The following BAZ2B variants were observed in gnomAD, a reference collection of about 807,000 sequenced individuals.
BAZ2B encodes bromodomain adjacent to zinc finger domain 2B, also known as bromodomain adjacent to zinc finger domain protein 2B.
A neutral mutation model predicts 246.0 loss-of-function variants in BAZ2B; 91 were observed. The observed-to-expected ratio is 0.37, with a 90% CI of 0.31 to 0.44. The LOEUF (loss-of-function observed/expected upper bound fraction) is 0.44, where lower values mean the gene tolerates loss of function less well. BAZ2B is among the 20% of genes least tolerant of loss of function. BAZ2B has a pLI of 1.00. For synonymous variants in BAZ2B, 855 were observed against 860.0 expected (o/e 0.99, Z 0.10); for missense variants, 2,332 against 2,533.7 (o/e 0.92, Z 1.71).
chr2:159,439,006 T>C lies in BAZ2B; in HGVS notation c.900+3A>G. ...TGGATACTGTCCATGAAAAAAATTA[T>C]ACCTGGTTGTTACTTTTATGTTGTG... On this transcript the variant is annotated splice_donor_region_variant and intron_variant, in intron 7 of 36. Transcript: ENST00000392783. 6.2e-7 allele frequency: 1 copy of C among 1,612,318 alleles called. No individual in the cohort carries two copies.
chr2:159,620,142 T>C (rs1696371522), upstream of BAZ2B, among the ~76,000 whole-genome samples: 1 of 152,226 alleles, frequency 6.6e-6, no homozygotes, highest in Admixed American at 6.5e-5. Context: ...GTTGGATGGC[T>C]ATCTAACTTA....
chr2:159,619,949 T>C (rs1186340023), upstream of BAZ2B, among the ~76,000 whole-genome samples: 3 of 152,220 alleles, frequency 2.0e-5, no homozygotes, highest in Non-Finnish European at 4.4e-5. Context: ...ATAATTGTGA[T>C]AGAATTTAAT....
chr2:159,382,773 C>T lies in BAZ2B; in HGVS notation c.3791G>A (p.Gly1264Asp), dbSNP rs1260099907. The T allele has an allele frequency of 3.1e-6, 5 of 1,613,532 alleles. No individual in the cohort carries two copies. The highest frequency in any genetic ancestry group is 4.2e-6 in the Non-Finnish European group (5 of 1,179,744). The change falls in exon 25 of 37, where the codon GGC becomes GAC. Residue 1264 changes from glycine (G) to aspartate (D), a missense_variant. This residue lies in a region of BAZ2B where 328 missense variants were observed against 410.4 expected (regional missense o/e 0.80). Transcript: ENST00000392783. The part of the protein sequence containing the change: ...KLRIIHAKKT[G>D]KRDTSGGIDL... ...AATGCCACCTGAAGTGTCTCTTTTG[C>T]CTGTTTTCTTAGCATGAATGATTCT...
intron 1 of BAZ2B, among the ~76,000 whole-genome samples, chr2:159,575,088 C>A (rs968859649): frequency 2.6e-5 from 4 of 152,106 alleles, no homozygotes; most frequent in African/African-American, 9.7e-5. Flanking sequence ...TCACAAAAAA[C>A]CATATATTGT....
the BAZ2B span, among the ~76,000 whole-genome samples, chr2:159,650,199 C>CTT: frequency 2.9e-5 from 4 of 136,244 alleles, no homozygotes; most frequent in Admixed American, 1.5e-4. Flanking sequence ...CAATTTTAGT[C>CTT]TTTTTTTTTT....
rs2075370770 is a variant in BAZ2B at position 159,453,715 on chromosome 2, C to T, written c.232G>A (p.Gly78Ser). ...TGCCCTGAGCTGGCTGAATGTAGACCAAAGACTGGGTGGCTGACCATTGGG... is the reference window on the plus strand; with the variant it reads ...TGCCCTGAGCTGGCTGAATGTAGACTAAAGACTGGGTGGCTGACCATTGGG... The part of the protein sequence containing the change: ...AFPMVSHPVF[G>S]LHSASSGHSE... Residue 78 changes from glycine to serine, a missense_variant, in exon 4 of 37, where the codon GGT (glycine) becomes AGT (serine). By Grantham distance (56) the Gly-to-Ser change is moderately conservative. This residue lies in a region of BAZ2B where 242 missense variants were observed against 237.4 expected (regional missense o/e 1.02). Transcript: ENST00000392783. The T allele has an allele frequency of 2.5e-6, 4 of 1,613,568 alleles. No homozygotes were observed. In the African/African-American group the frequency reaches 5.3e-5, roughly 22 times the overall value.
chr2:159,548,919 A>G (rs2087738518), intron 2 of BAZ2B, among the ~76,000 whole-genome samples: 1 of 152,230 alleles, frequency 6.6e-6, no homozygotes. Context: ...CAAAGTTTTT[A>G]GTTTATAAAT....
the BAZ2B span, among the ~76,000 whole-genome samples, chr2:159,696,431 C>T: frequency 0.042 from 6,364 of 152,096 alleles, 428 homozygotes; most frequent in African/African-American, 0.14. Context: ...GGCATTTATC[C>T]CTTCCTTTTT....
At position 159,480,080 on chromosome 2, in the gene BAZ2B, G is replaced by C. The variant is rs1031716955; in HGVS notation, c.-2-1359C>G. Among the ~76,000 whole-genome samples the C allele has an allele frequency of 9.2e-5, 14 of 152,080 alleles. 1 individual carries two copies. Among genetic ancestry groups the C allele is most frequent in the Admixed American group, 7.9e-4 (12 of 15,274 alleles). Reference sequence around the variant, plus strand: ...CTAATGAACTCTGAGACATGTGGCTGTCTGATGGTAAGGCCCATAAAAATT... The same window carrying C: ...CTAATGAACTCTGAGACATGTGGCTCTCTGATGGTAAGGCCCATAAAAATT... On this transcript the variant is annotated intron_variant, in intron 2 of 36. Transcript: ENST00000392783.
At chr2:159,495,811 C>T (rs746150386) in intron 2 of BAZ2B, among the ~76,000 whole-genome samples, 8 of 150,358 alleles carry the variant, frequency 5.3e-5, no homozygotes, top group Admixed American at 1.3e-4. Flanking sequence ...GCTCTGTTGC[C>T]CAGGCTGCAG....
chr2:159,380,059 C>T (rs2149481793), intron 25 of BAZ2B, among the ~76,000 whole-genome samples: 1 of 152,206 alleles, frequency 6.6e-6, no homozygotes, highest in South Asian at 2.1e-4. Context: ...TCCCTTTGAC[C>T]TACTCTTCAA....
chr2:159,711,301 T>A, the BAZ2B span, among the ~76,000 whole-genome samples: 7 of 152,354 alleles, frequency 4.6e-5, no homozygotes, highest in African/African-American at 1.7e-4. Context: ...TTATTTTCAT[T>A]TCATATCCTA....
At chr2:159,667,992 A>G in the BAZ2B span, among the ~76,000 whole-genome samples, 1 of 152,174 alleles carries the variant, frequency 6.6e-6, no homozygotes, top group Non-Finnish European at 1.5e-5. Flanking sequence ...CAACATGTCA[A>G]CAATCTTAAG....
intron 5 of BAZ2B, among the ~76,000 whole-genome samples, chr2:159,447,378 G>C: frequency 6.6e-6 from 1 of 152,158 alleles, no homozygotes. Context: ...AAAATGTTTA[G>C]AAAGATAATG....
chr2:159,652,328 C>A, the BAZ2B span, among the ~76,000 whole-genome samples: 5 of 151,820 alleles, frequency 3.3e-5, no homozygotes, highest in East Asian at 9.7e-4. Context: ...TCCTGCCTCA[C>A]CCTCCCATAT....
At chr2:159,637,446 C>T in the BAZ2B span, among the ~76,000 whole-genome samples, 1 of 152,166 alleles carries the variant, frequency 6.6e-6, no homozygotes, top group Non-Finnish European at 1.5e-5. Flanking sequence ...GTGCTGGCCA[C>T]AAGAAGAAGC....
In BAZ2B at chr2:159,325,782, T is replaced by C. The variant is rs775896661; in HGVS notation, c.6080A>G (p.Lys2027Arg). The C allele has an allele frequency of 4.4e-6, 7 of 1,606,980 alleles. No individual in the cohort carries two copies. The highest frequency in any genetic ancestry group is 5.9e-6 in the Non-Finnish European group (7 of 1,178,424). Residue 2027 changes from lysine to arginine, a missense_variant, in exon 35 of 37, where the codon AAA (lysine) becomes AGA (arginine). Lys to Arg is a conservative substitution (Grantham distance 26). Transcript: ENST00000392783. ...EDSASTSSSL[K>R]RGNKDLKKRK... ...TTTCTTGAGGTCTTTGTTTCCTCTTTTTAGTGAACTACTTGTAGATGCAGA... is the reference window on the plus strand; with the variant it reads ...TTTCTTGAGGTCTTTGTTTCCTCTTCTTAGTGAACTACTTGTAGATGCAGA...
chr2:159,324,560 C>T (rs1042169160), intron 36 of BAZ2B, among the ~76,000 whole-genome samples: 2 of 151,290 alleles, frequency 1.3e-5, no homozygotes, highest in African/African-American at 2.4e-5. Context: ...GTTTATTACA[C>T]GGGTTTTTAA....
chr2:159,554,568 C>A (rs1388554908), intron 2 of BAZ2B, among the ~76,000 whole-genome samples: 1 of 150,780 alleles, frequency 6.6e-6, no homozygotes, highest in Non-Finnish European at 1.5e-5. Context: ...CTAGTCTCTG[C>A]AAAATGTTAA....
Sources: gnomAD v4.1 joint callset for allele counts (sites outside exome capture counted in the v4.1 genomes callset) on GRCh38, gnomAD v4.1.1 for gene constraint, gnomAD v4.1.1 regional missense constraint, MANE v1.5 for transcripts, NCBI Gene and HGNC (gene_info 2026-07-23, HGNC 2026-07-21) for gene names.